Variants in XPNPEP3 observed in about 807,000 individuals in gnomAD.
XPNPEP3 encodes xaa-Pro aminopeptidase 3.
Under a neutral mutation model 60.0 loss-of-function variants are expected in XPNPEP3, and 41 were observed. That is an observed-to-expected ratio of 0.68 (90% CI 0.53 to 0.89). The LOEUF (loss-of-function observed/expected upper bound fraction) is 0.89, where lower values mean the gene tolerates loss of function less well. Among genes scored for constraint, XPNPEP3 ranks in the 40% least tolerant of loss-of-function variants. The pLI is 0.00. For synonymous variants in XPNPEP3, 212 were observed against 223.2 expected, an observed-to-expected ratio of 0.95 and a Z score of 0.45; for missense variants, 598 against 638.9, an observed-to-expected ratio of 0.94 and a Z score of 0.69.
chr22:40,902,327 T>C (rs1368578419), intron 4 of XPNPEP3, among the ~76,000 whole-genome samples: 1 of 149,412 alleles, frequency 6.7e-6, no homozygotes, highest in Non-Finnish European at 1.5e-5. Context: ...CTTGGCTTAC[T>C]GCAAGCTCCA....
chr22:40,917,554 T>C (rs978842668), intron 7 of XPNPEP3, among the ~76,000 whole-genome samples: 4 of 152,070 alleles, frequency 2.6e-5, no homozygotes, highest in African/African-American at 9.7e-5. Context: ...GTACACTTTT[T>C]TAAGTGAAGG....
rs554176821 is a variant in XPNPEP3 at position 40,893,005 on chromosome 22, AT to A, written c.792+6491del. Reference sequence around the variant, plus strand: ...TTCTGGTAACCTTTGTAAAACCGTTATCTTAATGGTTTTATGTGTTAGATTA... The same window carrying A: ...TTCTGGTAACCTTTGTAAAACCGTTACTTAATGGTTTTATGTGTTAGATTA... On this transcript the variant is annotated intron_variant, in intron 4 of 9. Coordinates refer to ENST00000357137, the MANE Select transcript of XPNPEP3 (RefSeq NM_022098.4). 9.7e-4 allele frequency among the ~76,000 whole-genome samples: 147 copies of A among 151,510 alleles called. 1 individual carries two copies. The highest frequency in any genetic ancestry group is 3.4e-3 in the Middle Eastern group (1 of 294).
chr22:40,898,061 A>C (rs1267851815), intron 4 of XPNPEP3, among the ~76,000 whole-genome samples: 1 of 151,648 alleles, frequency 6.6e-6, no homozygotes, highest in Non-Finnish European at 1.5e-5. Context: ...AGCGTCCTTT[A>C]ATGCTCAAAA....
At position 40,931,575 on chromosome 22, in the gene XPNPEP3, G is replaced by A. The variant is rs968213539; in HGVS notation, c.*5140G>A. On this transcript the variant is annotated 3_prime_UTR_variant, in exon 10 of 10. Transcript: ENST00000357137. ...CAAAAAAATTTAAAGTTAGCCAGGT[G>A]TGGTGGTTTGCACCTATAGTCCCAG... 1.3e-5 allele frequency: 2 copies of A among 152,218 alleles called. No individual in the cohort carries two copies. The highest frequency in any genetic ancestry group is 2.9e-5 in the Non-Finnish European group (2 of 68,084). 9.4% of individuals were successfully genotyped at this position (152,218 alleles called of 1,614,324 possible). A position where few individuals can be genotyped will look rare whatever the true frequency, so the allele number is the denominator to read the frequency against.
chr22:40,886,335 T>C lies in XPNPEP3; in HGVS notation c.612T>C (p.Tyr204=), dbSNP rs752306590. The change falls in exon 4 of 10, where the codon TAT becomes TAC. Residue 204 remains tyrosine, a synonymous_variant. Transcript: ENST00000357137. ...AAGCTGAGACGAACATGGTTTGGTA[T>C]GACTGGATGAGGCCCTCACATGCAC... ...KMKAETNMVW[Y]DWMRPSHAQL... The C allele has an allele frequency of 1.4e-5, 22 of 1,614,030 alleles. No individual in the cohort carries two copies. The highest frequency in any genetic ancestry group is 6.7e-5 in the Admixed American group (4 of 59,994).
chr22:40,901,789 T>C (rs1297834193), intron 4 of XPNPEP3, among the ~76,000 whole-genome samples: 2 of 152,140 alleles, frequency 1.3e-5, no homozygotes. Flanking sequence ...ATATGAAATA[T>C]GCGGAATAGG....
Position 40,869,029 on chromosome 22 carries a change from C to A in XPNPEP3, c.95C>A (p.Ser32Tyr), listed in dbSNP as rs1356034893. Reference protein sequence around the residue: ...GCMLCSQRRYSLQPVPERRIP... With the variant: ...GCMLCSQRRYYLQPVPERRIP... ...ATGTTGTGTTCACAGCGAAGGTACTCCCTTCAGCCTGTCCCAGAAAGGAGG... is the reference window on the plus strand; with the variant it reads ...ATGTTGTGTTCACAGCGAAGGTACTACCTTCAGCCTGTCCCAGAAAGGAGG... Residue 32 changes from serine to tyrosine, a missense_variant, in exon 2 of 10, where the codon TCC becomes TAC. Coordinates refer to ENST00000357137, the MANE Select transcript of XPNPEP3 (RefSeq NM_022098.4). 1 of 1,613,922 alleles carries A rather than the reference C, an allele frequency of 6.2e-7. No homozygotes were observed. Among genetic ancestry groups the A allele is most frequent in the Non-Finnish European group, 8.5e-7 (1 of 1,179,936 alleles).
intron 1 of XPNPEP3, among the ~76,000 whole-genome samples, chr22:40,867,368 C>T (rs12167075): frequency 0.044 from 6,756 of 152,194 alleles, 481 homozygotes; most frequent in African/African-American, 0.15. Flanking sequence ...ACTGTACAAT[C>T]TCCTTGTGAA....
At chr22:40,915,295 C>T (rs974182063) in intron 7 of XPNPEP3, among the ~76,000 whole-genome samples, 2 of 151,966 alleles carry the variant, frequency 1.3e-5, no homozygotes, top group Non-Finnish European at 2.9e-5. Context: ...CTATAATGGG[C>T]CAGGCCTGGT....
At chr22:40,880,960 T>G (rs1475746434) in intron 2 of XPNPEP3, among the ~76,000 whole-genome samples, 2 of 151,588 alleles carry the variant, frequency 1.3e-5, no homozygotes, top group Admixed American at 6.6e-5. Flanking sequence ...AACATGGAGG[T>G]TTTTTTTGTT....
At chr22:40,874,541 T>C (rs1312898442) in intron 2 of XPNPEP3, among the ~76,000 whole-genome samples, 2 of 152,046 alleles carry the variant, frequency 1.3e-5, no homozygotes, top group Non-Finnish European at 2.9e-5. Flanking sequence ...TCTTCCTGTC[T>C]CAACCTCCTG....
chr22:40,888,566 A>G, intron 4 of XPNPEP3: 2 of 199,740 alleles, frequency 1.0e-5, no homozygotes, highest in Non-Finnish European at 2.2e-5. Flanking sequence ...AAGACTGAAT[A>G]ATATTCCATT....
At chr22:40,883,485 G>C (rs2058056587) in intron 3 of XPNPEP3, among the ~76,000 whole-genome samples, 1 of 152,032 alleles carries the variant, frequency 6.6e-6, no homozygotes. Flanking sequence ...TCAGCCTCCA[G>C]AATACTGGGA....
chr22:40,892,992 T>C (rs2058093940), intron 4 of XPNPEP3, among the ~76,000 whole-genome samples: 1 of 151,650 alleles, frequency 6.6e-6, no homozygotes, highest in Admixed American at 6.6e-5. Context: ...CTGGTAACCT[T>C]TGTAAAACCG....
At chr22:40,891,014 A>G (rs990117289) in intron 4 of XPNPEP3, among the ~76,000 whole-genome samples, 20 of 151,886 alleles carry the variant, frequency 1.3e-4, no homozygotes, top group Non-Finnish European at 2.4e-4. Context: ...AAAATTCAAA[A>G]CATCTTGAAA....
At chr22:40,923,860 A>AT (rs1311277237) in intron 8 of XPNPEP3, among the ~76,000 whole-genome samples, 2 of 152,086 alleles carry the variant, frequency 1.3e-5, no homozygotes, top group Non-Finnish European at 2.9e-5. Context: ...TCAAAAAAAA[A>AT]GAAAGAAATA....
chr22:40,875,628 T>C lies in XPNPEP3; in HGVS notation c.182-6142T>C, dbSNP rs559962122. 1.6e-4 allele frequency among the ~76,000 whole-genome samples: 25 copies of C among 151,988 alleles called. 1 individual carries two copies. The highest frequency in any genetic ancestry group is 1.2e-3 in the Admixed American group (19 of 15,230). ...AAGAATTATAGAGGATTTCCCTGTT[T>C]GTTTGTTTGTTTGTTTTTAAGCCCT... On this transcript the variant is annotated intron_variant, in intron 2 of 9. Transcript: ENST00000357137.
At chr22:40,908,595 T>C (rs1051212062) in intron 5 of XPNPEP3, among the ~76,000 whole-genome samples, 4 of 152,234 alleles carry the variant, frequency 2.6e-5, no homozygotes, top group Admixed American at 1.3e-4. Flanking sequence ...TCCTGGAACG[T>C]AGTGAAATTA....
In XPNPEP3 at chr22:40,876,585, C is replaced by T. The variant is rs573263983; in HGVS notation, c.182-5185C>T. ...GAATTGCTAAGCCAGGATTCCAACT[C>T]ACAAAAACCTAACTCAGAATCCACA... On this transcript the variant is annotated intron_variant, in intron 2 of 9. Transcript: ENST00000357137. 5.9e-5 allele frequency among the ~76,000 whole-genome samples: 9 copies of T among 152,288 alleles called. No homozygotes were observed. In the South Asian group the frequency reaches 1.9e-3, roughly 32 times the overall value.
Sources: allele counts gnomAD v4.1 joint callset (sites outside exome capture counted in the v4.1 genomes callset), GRCh38; gene constraint gnomAD v4.1.1; transcripts MANE v1.5; gene names NCBI Gene and HGNC (gene_info 2026-07-23, HGNC 2026-07-21).